Variants in CDHR4 observed in about 807,000 individuals in gnomAD.
CDHR4 encodes the protein cadherin related family member 4.
In CDHR4, 89 loss-of-function variants were observed where a neutral mutation model predicts 88.4. That is an observed-to-expected ratio of 1.01 (90% confidence interval 0.85 to 1.20). CDHR4 has a LOEUF of 1.20. Among genes scored for constraint, CDHR4 ranks in the 50% most tolerant of loss-of-function variants. The pLI, the probability that CDHR4 is intolerant of heterozygous loss-of-function variation, is 0.00. For missense variants in CDHR4, 914 were observed against 1,007.2 expected (o/e 0.91, Z 1.25); for synonymous variants, 368 against 399.2 (o/e 0.92, Z 0.93).
chr3:49,793,288 C>A lies in CDHR4; in HGVS notation c.1647G>T (p.Glu549Asp). The A allele has an allele frequency of 6.4e-7, 1 of 1,551,604 alleles. No homozygotes were observed. The highest frequency in any genetic ancestry group is 8.7e-7 in the Non-Finnish European group (1 of 1,146,986). The change falls in exon 13 of 19, where the codon GAG (glutamate) becomes GAT (aspartate). Residue 549 changes from glutamate to aspartate, a missense_variant. By Grantham distance (45) the Glu-to-Asp change is conservative. Coordinates refer to ENST00000412678, the MANE Select transcript of CDHR4 (RefSeq NM_001007540.4). ...TGAGTTCCTGAAATGGGGGCTCACA[C>A]TCGGGGGCATGGTCATTCACATCCT... ...EVEDVNDHAP[E>D]CEPPFQELTI... is the part of the protein sequence containing the mutation.
chr3:49,802,357 A>G (rs1251051128), upstream of CDHR4, among the ~76,000 whole-genome samples: 1 of 151,976 alleles, frequency 6.6e-6, no homozygotes, highest in African/African-American at 2.4e-5. Context: ...TTGTATTTTT[A>G]GTAGAGACGG....
At chr3:49,791,585 T>C in intron 17 of CDHR4, 117 bp from the exon 18 acceptor site, 1 of 1,471,542 alleles carries the variant, frequency 6.8e-7, no homozygotes, top group Non-Finnish European at 9.2e-7. Flanking sequence ...CTGATGGTGC[T>C]AGTGTGGGCA....
In CDHR4 at chr3:49,799,291, TGAA is replaced by T; in HGVS notation, c.193_195del (p.Phe65del). On this transcript the variant is annotated inframe_deletion, in exon 2 of 19. Coordinates refer to ENST00000412678, the MANE Select transcript of CDHR4 (RefSeq NM_001007540.4). ...TGCCACCTGGCCAAGCTGGGTGGGT[TGAA>T]GAAGGTGGTGGGTGGCTGGACATTG... 1 of 1,613,816 alleles carries T rather than the reference TGAA, an allele frequency of 6.2e-7. No individual in the cohort carries two copies. Among genetic ancestry groups the T allele is most frequent in the Non-Finnish European group, 8.5e-7 (1 of 1,179,782 alleles).
chr3:49,795,047 C>T lies in CDHR4; in HGVS notation c.1085G>A (p.Cys362Tyr). The change falls in exon 9 of 19, where the codon TGC (cysteine) becomes TAC (tyrosine). Residue 362 changes from cysteine to tyrosine, a missense_variant. Coordinates refer to ENST00000412678, the MANE Select transcript of CDHR4 (RefSeq NM_001007540.4). The surrounding 1 kb of genome is among the most constrained non-coding windows in gnomAD (Gnocchi z 5.4). ...GGCACCAACAGAGTCCGGATCTTCG[C>T]AAGTGAGAGTATTCAGCACGGTGCC... ...PVGTVLNTLT[C>Y]EDPDSVGATL... 6.4e-7 allele frequency: 1 copy of T among 1,551,676 alleles called. No homozygotes were observed. The highest frequency in any genetic ancestry group is 8.7e-7 in the Non-Finnish European group (1 of 1,146,996).
In CDHR4 at chr3:49,795,066, C is replaced by T. The variant is rs1195003292; in HGVS notation, c.1066G>A (p.Val356Met). The T allele has an allele frequency of 1.2e-5, 19 of 1,551,588 alleles. No individual in the cohort carries two copies. Among genetic ancestry groups the T allele is most frequent in the African/African-American group, 2.7e-5 (2 of 73,040 alleles). The change falls in exon 9 of 19, where the codon GTG becomes ATG. Residue 356 changes from valine (V) to methionine (M), a missense_variant. Transcript: ENST00000412678. This position sits in a 1 kb window ranked among gnomAD's most constrained non-coding sequence, Gnocchi z 5.4. ...TCTTCGCAAGTGAGAGTATTCAGCA[C>T]GGTGCCCACGGGTGCAGTCTCCGGG... ...QIPETAPVGT[V>M]LNTLTCEDPD...
At chr3:49,799,496 AGCATAGTCCTG>A (rs1276214066) in intron 1 of CDHR4, 59 bp from the exon 2 acceptor site, 1 of 1,497,868 alleles carries the variant, frequency 6.7e-7, no homozygotes, top group Non-Finnish European at 9.0e-7. Flanking sequence ...CACACATACT[AGCATAGTCCTG>A]TCCTTTTGCC....
intron 15 of CDHR4, 119 bp from the exon 16 acceptor site, chr3:49,792,078 A>C: frequency 1.0e-6 from 1 of 976,886 alleles, no homozygotes; most frequent in East Asian, 2.6e-5. Flanking sequence ...TGCAGTGCCC[A>C]CATTGTTACA....
chr3:49,799,471 C>T, intron 1 of CDHR4, 34 bp from the exon 2 acceptor site: 4 of 1,553,418 alleles, frequency 2.6e-6, no homozygotes, highest in Non-Finnish European at 3.5e-6. Context: ...CTGGAGGCCC[C>T]CAGGCTGATG....
chr3:49,791,150 A>G (rs545094892), intron 18 of CDHR4, among the ~76,000 whole-genome samples: 1 of 152,132 alleles, frequency 6.6e-6, no homozygotes, highest in South Asian at 2.1e-4. Flanking sequence ...TCTCCCATAA[A>G]TCACTGGTGA....
Position 49,793,665 on chromosome 3 carries a change from G to A in CDHR4, c.1541C>T (p.Thr514Ile). The change falls in exon 12 of 19, where the codon ACT becomes ATT. Residue 514 changes from threonine (T) to isoleucine (I), a missense_variant. Physicochemically the swap from Thr to Ile is moderately conservative, Grantham distance 89. Coordinates refer to ENST00000412678, the MANE Select transcript of CDHR4 (RefSeq NM_001007540.4). ...TTGGCCATGGTCAATCACAAGGACAGTGAGCCTGTACAGCCTCTGCTGCTC... is the reference window on the plus strand; with the variant it reads ...TTGGCCATGGTCAATCACAAGGACAATGAGCCTGTACAGCCTCTGCTGCTC... ...DYEQQRLYRL[T>I]VLVIDHGQDQ... is the part of the protein sequence containing the mutation. 3 of 1,551,800 alleles carry A rather than the reference G, an allele frequency of 1.9e-6. No individual in the cohort carries two copies. The South Asian group carries it at 3.6e-5, about 18-fold the overall frequency.
chr3:49,793,884 T>C lies in CDHR4; in HGVS notation c.1402A>G (p.Thr468Ala). ...PHTLLGSVVG[T>A]DMDYPHDNIE... ...TTGTCATGAGGGTAATCCATATCCG[T>C]GCCCACCACGGAGCCCAGTAGAGTG... is the stretch of plus-strand genomic sequence containing the variant. Residue 468 changes from threonine (T) to alanine (A), a missense_variant, in exon 11 of 19, where the codon ACG becomes GCG. Transcript: ENST00000412678. The C allele has an allele frequency of 2.6e-6, 4 of 1,551,772 alleles. No homozygotes were observed. The highest frequency in any genetic ancestry group is 3.5e-6 in the Non-Finnish European group (4 of 1,146,992).
At position 49,795,155 on chromosome 3, in the gene CDHR4, C is replaced by T; in HGVS notation, c.1031+41G>A. On this transcript the variant is annotated intron_variant, in intron 8 of 18. Coordinates refer to ENST00000412678, the MANE Select transcript of CDHR4 (RefSeq NM_001007540.4). This position sits in a 1 kb window ranked among gnomAD's most constrained non-coding sequence, Gnocchi z 5.4. The stretch of plus-strand genomic sequence containing the variant: ...AGTCTGGCAGTACCCTGAGTCATGG[C>T]TCTGACCCCAGCAGCCCAAGTATGG... The T allele has an allele frequency of 6.4e-7, 1 of 1,551,560 alleles. No individual in the cohort carries two copies. Among genetic ancestry groups the T allele is most frequent in the Non-Finnish European group, 8.7e-7 (1 of 1,146,920 alleles).
Position 49,793,480 on chromosome 3 carries a change from G to A in CDHR4, c.1623+103C>T, listed in dbSNP as rs1366073862. ...GGCCCCACTCTTCTCCAGCCAACTC[G>A]TGGAAGAAACCAAGGCACAGAGTGG... On this transcript the variant is annotated intron_variant, in intron 12 of 18. Transcript: ENST00000412678. 16 of 1,485,994 alleles carry A rather than the reference G, an allele frequency of 1.1e-5. No homozygotes were observed. In the East Asian group the frequency reaches 2.2e-4, roughly 21 times the overall value. The allele number at this position is 1,485,994 out of a possible 1,614,324, so 92.1% of individuals were successfully genotyped here. A position where few individuals can be genotyped will look rare whatever the true frequency, so the allele number is the denominator to read the frequency against.
At chr3:49,801,862 CT>C (rs2081365768), upstream of CDHR4, among the ~76,000 whole-genome samples, 1 of 152,226 alleles carries the variant, frequency 6.6e-6, no homozygotes, top group Non-Finnish European at 1.5e-5. Context: ...TTGCAGAATC[CT>C]TTTCTGAAAG....
chr3:49,797,900 T>C (rs1430248943), intron 4 of CDHR4, among the ~76,000 whole-genome samples: 2 of 150,120 alleles, frequency 1.3e-5, no homozygotes, highest in Non-Finnish European at 3.0e-5. Context: ...AGTTACTGTT[T>C]TTAAATACTT....
At chr3:49,793,369 A>T in intron 12 of CDHR4, 58 bp from the exon 13 acceptor site, 1 of 1,525,662 alleles carries the variant, frequency 6.6e-7, no homozygotes, top group Non-Finnish European at 8.8e-7. Context: ...CCTCTGAGCC[A>T]GCCCCTCAAC....
upstream of CDHR4, chr3:49,799,961 A>G (rs1220713843): frequency 1.4e-6 from 1 of 706,096 alleles, no homozygotes; most frequent in Non-Finnish European, 2.4e-6. Flanking sequence ...ATCCCTGGTG[A>G]CTGAGTTCTA....
chr3:49,798,916 AG>A lies in CDHR4; in HGVS notation c.404del (p.Ala135ValfsTer4), dbSNP rs1559424138. Reference protein sequence around the residue: ...IQCAGQFASPAGEMIQVPETV... With the variant: ...IQCAGQFASPXGEMIQVPETV... ...TCTCTGGCACCTGAATCATTTCCCC[AG>A]CTGGCCAGAGTGGAGGTCAGGGAGG... On this transcript the variant is annotated frameshift_variant and splice_region_variant, in exon 4 of 19. Transcript: ENST00000412678. LOFTEE classifies it high-confidence loss of function. 1 of 1,613,040 alleles carries A rather than the reference AG, an allele frequency of 6.2e-7. No individual in the cohort carries two copies.
chr3:49,798,613 G>A, intron 4 of CDHR4: 1 of 511,210 alleles, frequency 2.0e-6, no homozygotes, highest in Non-Finnish European at 3.4e-6. Flanking sequence ...AAAGAACTCA[G>A]CCCCTGAGAT....
Sources: allele counts gnomAD v4.1 joint callset (sites outside exome capture counted in the v4.1 genomes callset), GRCh38; gene constraint gnomAD v4.1.1; non-coding constraint Gnocchi (gnomAD v3.1); transcripts MANE v1.5; gene names NCBI Gene and HGNC (gene_info 2026-07-23, HGNC 2026-07-21).